NTM: variants seen among roughly 807,000 people sequenced by gnomAD.
NTM encodes the protein IgLON family member 2.
NTM carries 13 observed loss-of-function variants against 42.1 expected under a neutral mutation model. The ratio of observed to expected loss-of-function variants is 0.31; its 90% CI spans 0.20 to 0.49. NTM has a LOEUF of 0.49. Among genes scored for constraint, NTM ranks in the 20% least tolerant of loss-of-function variants. The pLI, the probability that NTM is intolerant of heterozygous loss-of-function variation, is 0.99. For synonymous variants in NTM, 187 were observed against 179.2 expected, an observed-to-expected ratio of 1.04 and a Z score of -0.35; for missense variants, 373 against 452.8, an observed-to-expected ratio of 0.82 and a Z score of 1.60.
intron 1 of NTM, among the ~76,000 whole-genome samples, chr11:131,901,783 T>C (rs2053199687): frequency 6.6e-6 from 1 of 152,256 alleles, no homozygotes; most frequent in African/African-American, 2.4e-5. Context: ...CACATGCACG[T>C]TGACAACATT....
At chr11:131,849,994 A>G (rs994388571) in intron 1 of NTM, among the ~76,000 whole-genome samples, 3 of 151,074 alleles carry the variant, frequency 2.0e-5, no homozygotes, top group African/African-American at 7.4e-5. Flanking sequence ...AATAATAATA[A>G]TAAGACCTCA....
intron 3 of NTM, among the ~76,000 whole-genome samples, chr11:132,194,461 A>G (rs1226534852): frequency 6.6e-6 from 1 of 152,190 alleles, no homozygotes; most frequent in East Asian, 1.9e-4. Flanking sequence ...TCAAAGGAAC[A>G]TGCCTCAAAA....
chr11:132,021,703 G>GC (rs1378459094), intron 2 of NTM, among the ~76,000 whole-genome samples: 1 of 152,008 alleles, frequency 6.6e-6, no homozygotes, highest in Admixed American at 6.6e-5. Flanking sequence ...CCCATAGGTT[G>GC]CCCCCCAGGA....
At chr11:132,074,978 T>A (rs2058174812) in intron 2 of NTM, among the ~76,000 whole-genome samples, 1 of 152,148 alleles carries the variant, frequency 6.6e-6, no homozygotes, top group South Asian at 2.1e-4. Flanking sequence ...GTACAATTAT[T>A]AAGTGTCAAT....
chr11:131,882,705 G>A (rs2049735972), intron 1 of NTM, among the ~76,000 whole-genome samples: 1 of 152,176 alleles, frequency 6.6e-6, no homozygotes, highest in Non-Finnish European at 1.5e-5. Context: ...GGTGAGGAAT[G>A]ATGTATCTGC....
intron 3 of NTM, among the ~76,000 whole-genome samples, chr11:132,187,062 GA>G (rs1303517064): frequency 6.6e-6 from 1 of 152,206 alleles, no homozygotes. Flanking sequence ...AGACTCCACT[GA>G]ATACATCAGA....
At chr11:131,739,688 C>T (rs971314534) in intron 1 of NTM, among the ~76,000 whole-genome samples, 3 of 152,138 alleles carry the variant, frequency 2.0e-5, no homozygotes, top group Non-Finnish European at 4.4e-5. Context: ...GAAGGTATTG[C>T]TGTATCACAT....
chr11:131,651,231 C>T (rs2066436264), intron 1 of NTM, among the ~76,000 whole-genome samples: 1 of 152,160 alleles, frequency 6.6e-6, no homozygotes, highest in Admixed American at 6.5e-5. Context: ...AGAATTAATC[C>T]TCAGTAAATG....
intron 1 of NTM, among the ~76,000 whole-genome samples, chr11:131,416,986 C>A (rs1052717324): frequency 6.6e-6 from 1 of 152,186 alleles, no homozygotes; most frequent in East Asian, 1.9e-4. Flanking sequence ...GGGGGAGTCA[C>A]AAAGCCTTTC....
chr11:131,946,372 G>A (rs1415184759), intron 2 of NTM, among the ~76,000 whole-genome samples: 1 of 152,142 alleles, frequency 6.6e-6, no homozygotes, highest in Non-Finnish European at 1.5e-5. Flanking sequence ...TTTTAGAGAG[G>A]AGAATGCACC....
chr11:131,940,322 T>TCC lies in NTM; in HGVS notation c.167+28675_167+28676dup, dbSNP rs537611872. The stretch of plus-strand genomic sequence containing the variant: ...GGAATCACCACAAAATATTATCAGC[T>TCC]CCTCCCAGGCCTCTGGTTGTTGAGG... On this transcript the variant is annotated intron_variant, in intron 2 of 8. Transcript: ENST00000683400. Among the ~76,000 whole-genome samples, 642 of 152,284 alleles carry TCC rather than the reference T, an allele frequency of 4.2e-3. 5 individuals are homozygous for TCC. The highest frequency in any genetic ancestry group is 0.015 in the African/African-American group (605 of 41,558).
rs73588735 is a variant in NTM at position 131,471,149 on chromosome 11, C to T, written c.82+100261C>T. Among the ~76,000 whole-genome samples the T allele has an allele frequency of 3.9e-4, 59 of 152,296 alleles. No individual in the cohort carries two copies. In the East Asian group the frequency reaches 8.9e-3, roughly 23 times the overall value. ...TATTCATACATGAGTATTGTCAGCT[C>T]TTACTAACTCAGACTGGGGAGGGCA... On this transcript the variant is annotated intron_variant, in intron 1 of 8. Coordinates refer to ENST00000683400, the MANE Select transcript of NTM (RefSeq NM_001352005.2).
At chr11:132,012,664 C>A (rs1404293425) in intron 2 of NTM, among the ~76,000 whole-genome samples, 2 of 152,150 alleles carry the variant, frequency 1.3e-5, no homozygotes, top group African/African-American at 2.4e-5. Context: ...CTTAATTCCT[C>A]TTCTCTTGAT....
chr11:131,680,083 TGG>T (rs2072173537), intron 1 of NTM, among the ~76,000 whole-genome samples: 1 of 152,164 alleles, frequency 6.6e-6, no homozygotes, highest in South Asian at 2.1e-4. Flanking sequence ...TGAGGCTCTC[TGG>T]GTGACTGCAA....
At chr11:132,084,359 A>T (rs568950667) in intron 2 of NTM, among the ~76,000 whole-genome samples, 1 of 152,294 alleles carries the variant, frequency 6.6e-6, no homozygotes, top group Middle Eastern at 3.4e-3. Flanking sequence ...GGATTTTAGA[A>T]ATCTCATACA....
At chr11:131,982,278 G>C (rs1314799493) in intron 2 of NTM, among the ~76,000 whole-genome samples, 1 of 152,084 alleles carries the variant, frequency 6.6e-6, no homozygotes, top group Non-Finnish European at 1.5e-5. Context: ...GATTGGAGTA[G>C]AGTTTGCAAC....
At chr11:132,219,858 G>T (rs1200905269) in intron 4 of NTM, among the ~76,000 whole-genome samples, 1 of 152,258 alleles carries the variant, frequency 6.6e-6, no homozygotes, top group East Asian at 1.9e-4. Context: ...CGGAAGGGAA[G>T]GAAACTCAAG....
intron 1 of NTM, among the ~76,000 whole-genome samples, chr11:131,757,738 A>G (rs1312845426): frequency 6.6e-6 from 1 of 152,164 alleles, no homozygotes; most frequent in Non-Finnish European, 1.5e-5. Flanking sequence ...GCTATTCCCA[A>G]GGTATACATA....
At chr11:132,192,342 G>T (rs2079446142) in intron 3 of NTM, among the ~76,000 whole-genome samples, 1 of 152,154 alleles carries the variant, frequency 6.6e-6, no homozygotes, top group Admixed American at 6.5e-5. Context: ...CAAGCCAAAA[G>T]AAATTGGGAA....
Sources: allele counts gnomAD v4.1 joint callset (sites outside exome capture counted in the v4.1 genomes callset), GRCh38; gene constraint gnomAD v4.1.1; transcripts MANE v1.5; gene names NCBI Gene and HGNC (gene_info 2026-07-23, HGNC 2026-07-21).